The following FAM184A variants were observed in gnomAD, a reference collection of about 807,000 sequenced individuals.
FAM184A encodes the protein family with sequence similarity 184 member A.
In FAM184A, 99 loss-of-function variants were observed where a neutral mutation model predicts 143.8. That is an observed-to-expected ratio of 0.69 (90% confidence interval 0.58 to 0.81). The LOEUF (loss-of-function observed/expected upper bound fraction) is 0.81. FAM184A is among the 40% of genes least tolerant of loss of function. FAM184A has a pLI of 0.00. For synonymous variants in FAM184A, 427 were observed against 446.4 expected, an observed-to-expected ratio of 0.96 and a Z score of 0.55; for missense variants, 1,217 against 1,310.5, an observed-to-expected ratio of 0.93 and a Z score of 1.10.
At chr6:119,097,711 A>G (rs1444246492) in intron 1 of FAM184A, among the ~76,000 whole-genome samples, 2 of 152,070 alleles carry the variant, frequency 1.3e-5, no homozygotes, top group African/African-American at 4.8e-5. Flanking sequence ...TTTTGGTGTA[A>G]TGTTGCAATA....
intron 1 of FAM184A, among the ~76,000 whole-genome samples, chr6:119,074,831 G>A (rs1247176239): frequency 1.3e-5 from 2 of 152,136 alleles, no homozygotes; most frequent in Non-Finnish European, 2.9e-5. Flanking sequence ...AACTTGACAC[G>A]AGTGACCCAA....
At position 119,060,790 on chromosome 6, in the gene FAM184A, T is replaced by C. The variant is rs527320820; in HGVS notation, c.159+17351A>G. Among the ~76,000 whole-genome samples, 9 of 152,286 alleles carry C rather than the reference T, an allele frequency of 5.9e-5. No individual in the cohort carries two copies. The South Asian group carries it at 1.9e-3, about 32-fold the overall frequency. ...AACTGTGTAGCACCTCCCCCTTCTC[T>C]TTCTTCCTCCTGGCCATGTGAAGCT... On this transcript the variant is annotated intron_variant, in intron 1 of 17. Coordinates refer to ENST00000338891, the MANE Select transcript of FAM184A (RefSeq NM_024581.6).
intron 1 of FAM184A, among the ~76,000 whole-genome samples, chr6:119,050,429 A>G (rs989344322): frequency 5.3e-5 from 8 of 149,540 alleles, no homozygotes; most frequent in African/African-American, 2.0e-4. Flanking sequence ...AATCAGCTTA[A>G]GTGCCCATTA....
chr6:119,065,641 T>C (rs1169400263), intron 1 of FAM184A, among the ~76,000 whole-genome samples: 1 of 152,168 alleles, frequency 6.6e-6, no homozygotes, highest in Non-Finnish European at 1.5e-5. Flanking sequence ...GACAGACCCG[T>C]TATCCTCAAT....
intron 1 of FAM184A, among the ~76,000 whole-genome samples, chr6:119,094,929 T>A (rs911859704): frequency 6.6e-6 from 1 of 151,816 alleles, no homozygotes; most frequent in Non-Finnish European, 1.5e-5. Context: ...CTGGCTGGGG[T>A]TCTAATGGGG....
chr6:119,014,821 G>T (rs1785188601), intron 5 of FAM184A, among the ~76,000 whole-genome samples: 1 of 152,194 alleles, frequency 6.6e-6, no homozygotes, highest in African/African-American at 2.4e-5. Context: ...CATTTTGGGA[G>T]GCTGAGGTGG....
chr6:119,052,667 C>G (rs58191716), intron 1 of FAM184A, among the ~76,000 whole-genome samples: 4,086 of 152,238 alleles, frequency 0.027, 140 homozygotes, highest in African/African-American at 0.083. Flanking sequence ...GATCTGATTC[C>G]CACTCCTGAT....
chr6:119,092,251 C>T (rs577864757), intron 1 of FAM184A, among the ~76,000 whole-genome samples: 1 of 152,256 alleles, frequency 6.6e-6, no homozygotes, highest in African/African-American at 2.4e-5. Context: ...AATCCTCACC[C>T]CTCAGCCTTC....
Position 118,960,150 on chromosome 6 carries a change from G to C in FAM184A, c.3376C>G (p.Pro1126Ala). Residue 1126 changes from proline to alanine, a missense_variant, in exon 18 of 18, where the codon CCA becomes GCA. Physicochemically the swap from Pro to Ala is conservative, Grantham distance 27. Transcript: ENST00000338891. ...AACCACTCCTGGCGCTGGGGATCTG[G>C]AGAAGCCACTGGAGAAGCTTCACTC... ...AQSEASPVAS[P>A]DPQRQEWFAR... 1 of 1,612,312 alleles carries C rather than the reference G, an allele frequency of 6.2e-7. No individual in the cohort carries two copies. Among genetic ancestry groups the C allele is most frequent in the Non-Finnish European group, 8.5e-7 (1 of 1,179,436 alleles).
intron 6 of FAM184A, among the ~76,000 whole-genome samples, chr6:119,007,172 TTGC>T (rs1167491587): frequency 1.3e-5 from 2 of 152,204 alleles, no homozygotes; most frequent in African/African-American, 4.8e-5. Context: ...TAATAGATAA[TTGC>T]TGATTAAGCA....
At chr6:119,138,999 A>T (rs1582648997) in intron 1 of FAM184A, among the ~76,000 whole-genome samples, 1 of 152,030 alleles carries the variant, frequency 6.6e-6, no homozygotes, top group African/African-American at 2.4e-5. Flanking sequence ...CCATCTCAAG[A>T]TCCTTCACTG....
intron 1 of FAM184A, among the ~76,000 whole-genome samples, chr6:119,077,222 T>C (rs2114799504): frequency 6.6e-6 from 1 of 152,290 alleles, no homozygotes; most frequent in Middle Eastern, 3.4e-3. Flanking sequence ...TCAGAGGCTA[T>C]CTAGCAGTAA....
chr6:119,077,500 T>C (rs1344367385), intron 1 of FAM184A, among the ~76,000 whole-genome samples: 1 of 152,250 alleles, frequency 6.6e-6, no homozygotes, highest in East Asian at 1.9e-4. Context: ...AGTCCTAAAC[T>C]ACACGTGGCC....
rs1783267365 is a variant in FAM184A, at chr6:118,960,000, C to G, written c.*103G>C. ...TTCAAGTTGGAGAGACAAATACTTT[C>G]TCATTCACAGTGTTTGACATAGGAA... On this transcript the variant is annotated 3_prime_UTR_variant, in exon 18 of 18. Transcript: ENST00000338891. The G allele has an allele frequency of 1.3e-6, 1 of 794,880 alleles. No homozygotes were observed. Among genetic ancestry groups the G allele is most frequent in the Non-Finnish European group, 2.0e-6 (1 of 509,628 alleles). The allele number at this position is 794,880 out of a possible 1,614,324, so 49.2% of individuals were successfully genotyped here.
intron 1 of FAM184A, among the ~76,000 whole-genome samples, chr6:119,106,922 A>G (rs1788802776): frequency 6.6e-6 from 1 of 152,198 alleles, no homozygotes; most frequent in South Asian, 2.1e-4. Flanking sequence ...GGTAATTAGG[A>G]GTAACTTTTT....
chr6:119,000,949 C>G (rs1784735315), intron 9 of FAM184A, among the ~76,000 whole-genome samples: 3 of 151,076 alleles, frequency 2.0e-5, no homozygotes, highest in African/African-American at 7.3e-5. Flanking sequence ...TTATGGGGAA[C>G]AGGGCTTAGC....
At chr6:119,131,851 A>G (rs1034062337) in intron 1 of FAM184A, among the ~76,000 whole-genome samples, 2 of 152,204 alleles carry the variant, frequency 1.3e-5, no homozygotes, top group African/African-American at 4.8e-5. Context: ...TGTGCTATAG[A>G]TACATTTTAA....
At chr6:119,113,935 G>T (rs1582628043) in intron 1 of FAM184A, among the ~76,000 whole-genome samples, 2 of 151,984 alleles carry the variant, frequency 1.3e-5, no homozygotes, top group Non-Finnish European at 2.9e-5. Context: ...GAGAAACTAT[G>T]TCTCAAAATA....
At chr6:119,123,100 T>C (rs115934986) in intron 1 of FAM184A, among the ~76,000 whole-genome samples, 1 of 151,468 alleles carries the variant, frequency 6.6e-6, no homozygotes, top group Non-Finnish European at 1.5e-5. Context: ...GGCAAAACAG[T>C]AGGGGCAGGC....
Sources: allele counts gnomAD v4.1 joint callset (sites outside exome capture counted in the v4.1 genomes callset), GRCh38; gene constraint gnomAD v4.1.1; transcripts MANE v1.5; gene names NCBI Gene and HGNC (gene_info 2026-07-23, HGNC 2026-07-21).